The following DLGAP2 variants were observed in gnomAD, a reference collection of about 807,000 sequenced individuals.
The protein encoded by DLGAP2 is DLG associated protein 2.
In DLGAP2, 26 loss-of-function variants were observed where a neutral mutation model predicts 100.3. That is an observed-to-expected ratio of 0.26 (90% CI 0.19 to 0.36). The LOEUF is 0.36. Ranked by LOEUF, DLGAP2 falls within the 10% of genes least tolerant of loss-of-function variation. DLGAP2 has a pLI of 1.00. For synonymous variants in DLGAP2, 886 were observed against 630.1 expected, an observed-to-expected ratio of 1.41 and a Z score of -6.08; for missense variants, 1,858 against 1,453.2, an observed-to-expected ratio of 1.28 and a Z score of -4.53.
At chr8:1,108,806 T>G (rs1409591874) in intron 2 of DLGAP2, among the ~76,000 whole-genome samples, 2 of 118,078 alleles carry the variant, frequency 1.7e-5, no homozygotes, top group Non-Finnish European at 3.5e-5. Flanking sequence ...GAGGTGTGAA[T>G]GTGTCTATGA....
At chr8:1,640,195 T>G (rs1340210944) in intron 8 of DLGAP2, among the ~76,000 whole-genome samples, 1 of 152,170 alleles carries the variant, frequency 6.6e-6, no homozygotes, top group Non-Finnish European at 1.5e-5. Flanking sequence ...ATCCTTGTCG[T>G]AAATCCAGGT....
intron 1 of DLGAP2, among the ~76,000 whole-genome samples, chr8:779,405 G>A (rs1019702320): frequency 1.3e-5 from 2 of 151,868 alleles, no homozygotes; most frequent in Non-Finnish European, 2.9e-5. Context: ...CCTACACTGG[G>A]GGCTCAACAC....
At chr8:1,226,337 G>A (rs1054674225) in intron 2 of DLGAP2, among the ~76,000 whole-genome samples, 7 of 152,126 alleles carry the variant, frequency 4.6e-5, no homozygotes, top group African/African-American at 1.7e-4. Context: ...AGATGAAGCT[G>A]GAAGCCATTA....
At chr8:822,631 C>A (rs1796604746) in intron 1 of DLGAP2, among the ~76,000 whole-genome samples, 1 of 152,188 alleles carries the variant, frequency 6.6e-6, no homozygotes, top group Non-Finnish European at 1.5e-5. Context: ...CAAACTGTCC[C>A]CAAATACTGC....
intron 2 of DLGAP2, among the ~76,000 whole-genome samples, chr8:1,029,396 C>T (rs944385429): frequency 6.6e-6 from 1 of 152,140 alleles, no homozygotes. Context: ...GGCCGAGGTA[C>T]AGAGGAAACT....
At chr8:1,102,691 C>G (rs1250326241) in intron 2 of DLGAP2, among the ~76,000 whole-genome samples, 3 of 152,090 alleles carry the variant, frequency 2.0e-5, no homozygotes, top group Non-Finnish European at 2.9e-5. Flanking sequence ...AAACTGTGGC[C>G]TCGTGCGTGG....
At chr8:795,682 G>A (rs1256599680) in intron 1 of DLGAP2, among the ~76,000 whole-genome samples, 1 of 150,016 alleles carries the variant, frequency 6.7e-6, no homozygotes, top group African/African-American at 2.5e-5. Flanking sequence ...AGTGAGAACA[G>A]GCGTCCAGTG....
intron 6 of DLGAP2, chr8:1,619,586 TA>T (rs2130752833): frequency 6.6e-6 from 1 of 152,384 alleles, no homozygotes; most frequent in East Asian, 1.9e-4. Context: ...TACCAAATGC[TA>T]AAATCTCGAG....
At chr8:964,449 C>T (rs560273538) in intron 2 of DLGAP2, among the ~76,000 whole-genome samples, 1 of 152,362 alleles carries the variant, frequency 6.6e-6, no homozygotes, top group Admixed American at 6.5e-5. Context: ...GAGGACCCAG[C>T]CTTTTATTCA....
chr8:1,630,762 A>G (rs1023166046), intron 7 of DLGAP2, among the ~76,000 whole-genome samples: 2 of 152,066 alleles, frequency 1.3e-5, no homozygotes, highest in African/African-American at 4.8e-5. Context: ...AAGCACAGGA[A>G]GGGAATTAAA....
chr8:1,423,564 C>G (rs1797160214), intron 3 of DLGAP2, among the ~76,000 whole-genome samples: 1 of 152,238 alleles, frequency 6.6e-6, no homozygotes, highest in Non-Finnish European at 1.5e-5. Context: ...CTGTGAGTGG[C>G]TTTGAAAAGC....
At chr8:1,366,475 C>T (rs889500800) in intron 3 of DLGAP2, among the ~76,000 whole-genome samples, 1 of 152,178 alleles carries the variant, frequency 6.6e-6, no homozygotes, top group Non-Finnish European at 1.5e-5. Flanking sequence ...TGGGGGGCAG[C>T]CCAGGAGGCC....
At chr8:1,653,098 G>A (rs925864457) in intron 8 of DLGAP2, among the ~76,000 whole-genome samples, 3 of 152,228 alleles carry the variant, frequency 2.0e-5, no homozygotes, top group African/African-American at 7.2e-5. Context: ...CGACGATTAG[G>A]ATGAAGAAGG....
intron 1 of DLGAP2, among the ~76,000 whole-genome samples, chr8:843,867 G>GT (rs1199420965): frequency 6.6e-6 from 1 of 152,174 alleles, no homozygotes; most frequent in Admixed American, 6.5e-5. Context: ...GTCAATAAGA[G>GT]TAACTGTACG....
At chr8:1,203,688 C>T (rs1797931017) in intron 2 of DLGAP2, among the ~76,000 whole-genome samples, 1 of 152,164 alleles carries the variant, frequency 6.6e-6, no homozygotes, top group Non-Finnish European at 1.5e-5. Context: ...TTATAGAAAT[C>T]CCCTTATTCT....
chr8:804,480 C>A (rs370347227), intron 1 of DLGAP2, among the ~76,000 whole-genome samples: 1 of 152,194 alleles, frequency 6.6e-6, no homozygotes, highest in African/African-American at 2.4e-5. Flanking sequence ...ATTCTCCGGC[C>A]TTGTTGCTGT....
At chr8:945,423 G>C (rs1337264837) in intron 2 of DLGAP2, among the ~76,000 whole-genome samples, 1 of 152,146 alleles carries the variant, frequency 6.6e-6, no homozygotes, top group Non-Finnish European at 1.5e-5. Flanking sequence ...TACAGGTGTA[G>C]CATTTCTGTG....
intron 2 of DLGAP2, among the ~76,000 whole-genome samples, chr8:1,255,293 T>A (rs1414661989): frequency 2.0e-5 from 2 of 100,282 alleles, no homozygotes; most frequent in African/African-American, 5.8e-5. Context: ...CTGGGTGCTG[T>A]GTGTGTGCCC....
intron 3 of DLGAP2, among the ~76,000 whole-genome samples, chr8:1,420,981 G>C (rs886537575): frequency 6.6e-6 from 1 of 152,154 alleles, no homozygotes; most frequent in Non-Finnish European, 1.5e-5. Flanking sequence ...CCAAAGAGCG[G>C]GGTCCTCTCT....
Sources: gnomAD v4.1 joint callset for allele counts (sites outside exome capture counted in the v4.1 genomes callset) on GRCh38, gnomAD v4.1.1 for gene constraint, MANE v1.5 for transcripts, NCBI Gene and HGNC (gene_info 2026-07-23, HGNC 2026-07-21) for gene names.